The following ACSM3 variants were observed in gnomAD, a reference collection of about 807,000 sequenced individuals.
The protein encoded by ACSM3 is acyl-coenzyme A synthetase ACSM3, mitochondrial.
In ACSM3, 61 loss-of-function variants were observed where a neutral mutation model predicts 74.1. The observed-to-expected ratio is 0.82, with a 90% CI of 0.67 to 1.02. The LOEUF (loss-of-function observed/expected upper bound fraction) is 1.02. Among genes scored for constraint, ACSM3 ranks in the 50% least tolerant of loss-of-function variants. The pLI is 0.00. For synonymous variants in ACSM3, 213 were observed against 241.5 expected (o/e 0.88, Z 1.09); for missense variants, 660 against 697.0 (o/e 0.95, Z 0.60).
chr16:20,702,320 C>T (rs2079714852), intron 1 of ACSM3, among the ~76,000 whole-genome samples: 1 of 152,230 alleles, frequency 6.6e-6, no homozygotes, highest in African/African-American at 2.4e-5. Context: ...TCAAGCCATT[C>T]TCCGGCCTCA....
intron 3 of ACSM3, among the ~76,000 whole-genome samples, chr16:20,776,250 C>T (rs1210180976): frequency 6.6e-6 from 1 of 152,148 alleles, no homozygotes; most frequent in Admixed American, 6.6e-5. Flanking sequence ...CTTAGAGTTA[C>T]AGCCTCACAA....
Position 20,790,626 on chromosome 16 carries a change from G to T in ACSM3, c.1264G>T (p.Glu422Ter). 1.2e-6 allele frequency: 2 copies of T among 1,612,668 alleles called. No individual in the cohort carries two copies. Among genetic ancestry groups the T allele is most frequent in the Non-Finnish European group, 1.7e-6 (2 of 1,179,950 alleles). Residue 422 changes from glutamate (E) to a stop codon, truncating the protein, a stop_gained, in exon 10 of 14, where the codon GAA becomes TAA. Transcript: ENST00000289416. LOFTEE classifies it high-confidence loss of function. This position sits in a 1 kb window ranked among gnomAD's most constrained non-coding sequence, Gnocchi z 4.0. ...VNGNVLPPGQ[E>*]GDIGIQVLPN... Reference sequence around the variant, plus strand: ...TGGCAATGTTCTACCTCCTGGACAAGAAGGAGATATTGGCATTCAAGTTCT... The same window carrying T: ...TGGCAATGTTCTACCTCCTGGACAATAAGGAGATATTGGCATTCAAGTTCT...
At chr16:20,699,103 C>T (rs1284864993) in intron 1 of ACSM3, among the ~76,000 whole-genome samples, 1 of 152,140 alleles carries the variant, frequency 6.6e-6, no homozygotes, top group Non-Finnish European at 1.5e-5. Context: ...CCTTTCAAAG[C>T]TTGGTCTTGA....
At chr16:20,788,745 T>G (rs1224835515) in intron 9 of ACSM3, among the ~76,000 whole-genome samples, 1 of 152,236 alleles carries the variant, frequency 6.6e-6, no homozygotes, top group East Asian at 1.9e-4. Flanking sequence ...ACAGAAGATT[T>G]TATCTATATT....
intron 2 of ACSM3, among the ~76,000 whole-genome samples, chr16:20,750,772 CTG>C (rs1308373195): frequency 6.6e-6 from 1 of 150,954 alleles, no homozygotes; most frequent in East Asian, 1.9e-4. Flanking sequence ...ATTATAAACA[CTG>C]TGCTTCAGAC....
At chr16:20,768,509 C>T (rs1167750990) in intron 1 of ACSM3, among the ~76,000 whole-genome samples, 1 of 152,158 alleles carries the variant, frequency 6.6e-6, no homozygotes, top group African/African-American at 2.4e-5. Flanking sequence ...AAATCACAGC[C>T]TCTAAATCAG....
intron 1 of ACSM3, chr16:20,702,684 T>C (rs2079716879): frequency 6.6e-6 from 1 of 152,232 alleles, no homozygotes; most frequent in Non-Finnish European, 1.5e-5. Flanking sequence ...TATCAATTTG[T>C]TTCAGTTCCT....
chr16:20,778,281 C>A (rs371422105), intron 4 of ACSM3, among the ~76,000 whole-genome samples: 9 of 152,184 alleles, frequency 5.9e-5, no homozygotes, highest in African/African-American at 1.7e-4. Context: ...TTGCCAGGTA[C>A]TGGTTATGCC....
chr16:20,775,877 C>G lies in ACSM3; in HGVS notation c.258C>G (p.Ile86Met), dbSNP rs369469757. 1.2e-6 allele frequency: 2 copies of G among 1,614,150 alleles called. No homozygotes were observed. The highest frequency in any genetic ancestry group is 2.7e-5 in the African/African-American group (2 of 75,032). The change falls in exon 3 of 14, where the codon ATC (isoleucine) becomes ATG (methionine). Residue 86 changes from isoleucine to methionine, a missense_variant. Ile to Met is a conservative substitution (Grantham distance 10). Transcript: ENST00000289416. ...KKPSNPAFWWINRNGEEMRWS... is the reference protein window; with the variant it reads ...KKPSNPAFWWMNRNGEEMRWS... ...CTTCAAATCCAGCCTTCTGGTGGAT[C>G]AACAGAAATGGAGAAGAGATGCGAT...
In ACSM3 at chr16:20,786,106, T is replaced by A. The variant is rs1372429393; in HGVS notation, c.1172T>A (p.Met391Lys). The A allele has an allele frequency of 6.2e-7, 1 of 1,601,456 alleles. No individual in the cohort carries two copies. Among genetic ancestry groups the A allele is most frequent in the Non-Finnish European group, 8.5e-7 (1 of 1,175,202 alleles). The change falls in exon 9 of 14, where the codon ATG (methionine) becomes AAG (lysine). Residue 391 changes from methionine to lysine, a missense_variant. By Grantham distance (95) the Met-to-Lys change is moderately conservative (BLOSUM62 -1). Transcript: ENST00000289416. ...CTAATCTGTGGAAATTTTAAGGGAA[T>A]GAAAATTAAACCTGGCTCAATGGGA... ...TVLICGNFKG[M>K]KIKPGSMGKP... is the part of the protein sequence containing the mutation.
intron 1 of ACSM3, among the ~76,000 whole-genome samples, chr16:20,727,022 T>C (rs1052024003): frequency 6.6e-6 from 1 of 152,228 alleles, no homozygotes; most frequent in Non-Finnish European, 1.5e-5. Flanking sequence ...GTATTAGCTG[T>C]TATATCATGT....
At chr16:20,795,410 T>C (rs1404735595) in intron 12 of ACSM3, among the ~76,000 whole-genome samples, 3 of 152,244 alleles carry the variant, frequency 2.0e-5, no homozygotes, top group African/African-American at 7.2e-5. Flanking sequence ...GTGAAAAAAT[T>C]ATAACTTCAA....
chr16:20,736,061 T>A (rs2079866308), intron 1 of ACSM3: 3 of 152,234 alleles, frequency 2.0e-5, no homozygotes. Context: ...ATATCCTTTC[T>A]TGTCAAGTGG....
intron 1 of ACSM3, among the ~76,000 whole-genome samples, chr16:20,727,658 T>C (rs1180706504): frequency 6.6e-6 from 1 of 152,178 alleles, no homozygotes; most frequent in Admixed American, 6.5e-5. Context: ...GTGATGATTA[T>C]TATTCCATCA....
At chr16:20,721,117 T>A (rs1216413767) in intron 1 of ACSM3, 4 of 152,150 alleles carry the variant, frequency 2.6e-5, no homozygotes, top group African/African-American at 4.8e-5. Flanking sequence ...GTCTTTGGAG[T>A]AGAAGCCTGT....
intron 1 of ACSM3, among the ~76,000 whole-genome samples, chr16:20,744,675 C>T (rs1310423077): frequency 6.6e-6 from 1 of 152,156 alleles, no homozygotes; most frequent in African/African-American, 2.4e-5. Flanking sequence ...TGAGCCACTG[C>T]GCCCAGCCAA....
At chr16:20,769,672 A>G (rs1257714293) in intron 1 of ACSM3, among the ~76,000 whole-genome samples, 2 of 152,208 alleles carry the variant, frequency 1.3e-5, no homozygotes, top group Non-Finnish European at 2.9e-5. Flanking sequence ...ATGGGTGTCA[A>G]TAGTGCACAG....
upstream of ACSM3, among the ~76,000 whole-genome samples, chr16:20,759,159 C>G (rs2080055629): frequency 3.3e-5 from 5 of 152,190 alleles, no homozygotes; most frequent in Admixed American, 3.3e-4. Flanking sequence ...CACCACGCCA[C>G]TTCCCATCCC....
At chr16:20,702,514 T>G (rs2079716174) in intron 1 of ACSM3, among the ~76,000 whole-genome samples, 1 of 152,244 alleles carries the variant, frequency 6.6e-6, no homozygotes, top group South Asian at 2.1e-4. Context: ...CTGACTGACG[T>G]GAGATGGTAT....
Sources: allele counts gnomAD v4.1 joint callset (sites outside exome capture counted in the v4.1 genomes callset), GRCh38; gene constraint gnomAD v4.1.1; non-coding constraint Gnocchi (gnomAD v3.1); transcripts MANE v1.5; gene names NCBI Gene and HGNC (gene_info 2026-07-23, HGNC 2026-07-21).